MACROD2: variants seen among roughly 807,000 people sequenced by gnomAD.
MACROD2 encodes the protein mono-ADP ribosylhydrolase 2, also known as ADP-ribose glycohydrolase MACROD2.
MACROD2 carries 36 observed loss-of-function variants against 70.4 expected under a neutral mutation model. That is an observed-to-expected ratio of 0.51 (90% confidence interval 0.39 to 0.68). The LOEUF (loss-of-function observed/expected upper bound fraction) is 0.68, where lower values mean the gene tolerates loss of function less well. Ranked by LOEUF, MACROD2 falls within the 30% of genes least tolerant of loss-of-function variation. The pLI, the probability that MACROD2 is intolerant of heterozygous loss-of-function variation, is 0.00. For missense variants in MACROD2, 496 were observed against 538.4 expected (o/e 0.92, Z 0.78); for synonymous variants, 172 against 178.8 (o/e 0.96, Z 0.30).
At chr20:14,325,346 C>A (rs1365289455) in intron 3 of MACROD2, 4 of 436,230 alleles carry the variant, frequency 9.2e-6, no homozygotes, top group Non-Finnish European at 1.2e-5. Context: ...GAATTGTGTT[C>A]AGGCATCTCC....
intron 5 of MACROD2, among the ~76,000 whole-genome samples, chr20:15,011,477 A>G (rs1410777665): frequency 2.0e-5 from 3 of 152,204 alleles, no homozygotes; most frequent in Non-Finnish European, 4.4e-5. Context: ...TGTGTATGAT[A>G]TGCTCATACC....
chr20:15,878,744 C>G (rs1168206161), intron 9 of MACROD2, among the ~76,000 whole-genome samples: 1 of 152,088 alleles, frequency 6.6e-6, no homozygotes, highest in Non-Finnish European at 1.5e-5. Context: ...AAATCATTCA[C>G]ATTAACTCTG....
In MACROD2 at chr20:15,668,568, AAAAAT is replaced by A. The variant is rs567110703; in HGVS notation, c.645+168731_645+168735del. Among the ~76,000 whole-genome samples the A allele has an allele frequency of 1.9e-3, 292 of 152,294 alleles. 2 individuals are homozygous for A. The highest frequency in any genetic ancestry group is 3.3e-3 in the Non-Finnish European group (226 of 68,024). On this transcript the variant is annotated intron_variant, in intron 8 of 17. Transcript: ENST00000684519. ...GGGCGACAGAGTGAGACTCTGTCTG[AAAAAT>A]AAAATAAAAAATAAAAATCATAGGT... is the stretch of plus-strand genomic sequence containing the variant.
chr20:15,060,481 C>T (rs1466620341), intron 5 of MACROD2, among the ~76,000 whole-genome samples: 1 of 152,164 alleles, frequency 6.6e-6, no homozygotes, highest in African/African-American at 2.4e-5. Context: ...GGGGCATTTC[C>T]CTCTCTATGA....
intron 3 of MACROD2, among the ~76,000 whole-genome samples, chr20:14,157,201 T>C (rs1321696017): frequency 6.6e-6 from 1 of 152,148 alleles, no homozygotes; most frequent in East Asian, 1.9e-4. Flanking sequence ...TAGAGCAAGG[T>C]ATAGTAGCGC....
At position 14,907,876 on chromosome 20, in the gene MACROD2, C is replaced by T. The variant is rs532008168; in HGVS notation, c.418+222917C>T. ...GTATTCATTATTTTGGGGACACTTCCCCTTTTAGGCATTTGTTGAAAGAAA... is the reference window on the plus strand; with the variant it reads ...GTATTCATTATTTTGGGGACACTTCTCCTTTTAGGCATTTGTTGAAAGAAA... On this transcript the variant is annotated intron_variant, in intron 5 of 17. Transcript: ENST00000684519. 1.1e-4 allele frequency among the ~76,000 whole-genome samples: 17 copies of T among 152,174 alleles called. No homozygotes were observed. In the East Asian group the frequency reaches 3.3e-3, roughly 29 times the overall value.
At chr20:14,820,144 G>A (rs1212538935) in intron 5 of MACROD2, among the ~76,000 whole-genome samples, 1 of 152,028 alleles carries the variant, frequency 6.6e-6, no homozygotes, top group Non-Finnish European at 1.5e-5. Flanking sequence ...GAAAGCAATA[G>A]CATTGTCTGT....
At chr20:13,998,949 C>T (rs1389103748) in intron 1 of MACROD2, among the ~76,000 whole-genome samples, 8 of 132,830 alleles carry the variant, frequency 6.0e-5, no homozygotes, top group African/African-American at 1.1e-4. Flanking sequence ...AGCAAGACTC[C>T]GTCTCAAAAA....
At chr20:14,278,836 CTT>C (rs1380552819) in intron 3 of MACROD2, among the ~76,000 whole-genome samples, 19 of 148,978 alleles carry the variant, frequency 1.3e-4, no homozygotes, top group South Asian at 2.2e-4. Flanking sequence ...TTAAGTAAGA[CTT>C]ATTTAAATTT....
intron 2 of MACROD2, among the ~76,000 whole-genome samples, chr20:14,024,358 C>T (rs973755421): frequency 6.6e-6 from 1 of 152,188 alleles, no homozygotes; most frequent in Admixed American, 6.5e-5. Flanking sequence ...GACTTCCTCT[C>T]TTCCTATTTG....
intron 8 of MACROD2, among the ~76,000 whole-genome samples, chr20:15,717,615 A>C (rs1175087551): frequency 6.6e-6 from 1 of 152,332 alleles, no homozygotes; most frequent in African/African-American, 2.4e-5. Context: ...CACCTGAGAC[A>C]TGAGGAGTGC....
At chr20:14,782,112 T>A (rs2072309704) in intron 5 of MACROD2, among the ~76,000 whole-genome samples, 1 of 151,836 alleles carries the variant, frequency 6.6e-6, no homozygotes, top group African/African-American at 2.4e-5. Flanking sequence ...TTAGTAGAGA[T>A]GGGGTTTCAC....
intron 3 of MACROD2, among the ~76,000 whole-genome samples, chr20:14,110,210 G>T (rs1344753745): frequency 6.6e-6 from 1 of 151,778 alleles, no homozygotes; most frequent in Non-Finnish European, 1.5e-5. Context: ...AAAAAAACTC[G>T]GTATAGAAGG....
intron 5 of MACROD2, among the ~76,000 whole-genome samples, chr20:14,790,278 A>G (rs556528043): frequency 3.8e-4 from 57 of 151,674 alleles, no homozygotes; most frequent in African/African-American, 1.4e-3. Context: ...AAAAAAAAAC[A>G]AATATTTTAC....
intron 6 of MACROD2, among the ~76,000 whole-genome samples, chr20:15,288,220 A>G (rs556383611): frequency 6.6e-6 from 1 of 152,330 alleles, no homozygotes; most frequent in East Asian, 1.9e-4. Context: ...GCTCTCAAGA[A>G]CAAATCGCCC....
intron 5 of MACROD2, among the ~76,000 whole-genome samples, chr20:15,072,428 T>G (rs1176886774): frequency 6.6e-6 from 1 of 152,200 alleles, no homozygotes; most frequent in East Asian, 1.9e-4. Flanking sequence ...ATGGCAAGAA[T>G]AAGAATATTT....
chr20:14,614,113 C>T (rs1298859172), intron 4 of MACROD2, among the ~76,000 whole-genome samples: 1 of 152,132 alleles, frequency 6.6e-6, no homozygotes, highest in African/African-American at 2.4e-5. Flanking sequence ...AGTTAAGAGT[C>T]ATAAATTCGG....
At chr20:14,789,735 C>G (rs1182905648) in intron 5 of MACROD2, among the ~76,000 whole-genome samples, 1 of 151,778 alleles carries the variant, frequency 6.6e-6, no homozygotes, top group Non-Finnish European at 1.5e-5. Flanking sequence ...GTTGGCCTCC[C>G]AAAGTGCTGG....
At chr20:15,792,695 A>G (rs2063635583) in intron 8 of MACROD2, among the ~76,000 whole-genome samples, 1 of 152,188 alleles carries the variant, frequency 6.6e-6, no homozygotes, top group Non-Finnish European at 1.5e-5. Context: ...AAAAATAGCC[A>G]CTGTTAATAC....
Sources: gnomAD v4.1 joint callset for allele counts (sites outside exome capture counted in the v4.1 genomes callset) on GRCh38, gnomAD v4.1.1 for gene constraint, MANE v1.5 for transcripts, NCBI Gene and HGNC (gene_info 2026-07-23, HGNC 2026-07-21) for gene names.